Variants in MARCHF10 observed in about 807,000 individuals in gnomAD.
The protein encoded by MARCHF10 is probable E3 ubiquitin-protein ligase MARCHF10.
Under a neutral mutation model 76.2 loss-of-function variants are expected in MARCHF10, and 64 were observed. That is an observed-to-expected ratio of 0.84 (90% CI 0.69 to 1.03). MARCHF10 has a LOEUF of 1.03. Ranked by LOEUF, MARCHF10 falls within the 50% of genes least tolerant of loss-of-function variation. The pLI is 0.00. For missense variants in MARCHF10, 875 were observed against 958.0 expected (o/e 0.91, Z 1.14); for synonymous variants, 340 against 357.5 (o/e 0.95, Z 0.55).
Position 62,722,637 on chromosome 17 carries a change from G to A in MARCHF10, c.2105-40C>T, listed in dbSNP as rs755844196. 5 of 1,534,516 alleles carry A rather than the reference G, an allele frequency of 3.3e-6. No individual in the cohort carries two copies. The East Asian group carries it at 1.1e-4, about 35-fold the overall frequency. ...AGAATTATATGTACATATAACCATG[G>A]GTCTGTTTGTGTTAGCACTTTGGAC... On this transcript the variant is annotated intron_variant, in intron 7 of 10. Transcript: ENST00000311269.
intron 4 of MARCHF10, among the ~76,000 whole-genome samples, chr17:62,753,281 A>G (rs773286001): frequency 2.0e-5 from 3 of 151,766 alleles, no homozygotes; most frequent in Admixed American, 6.6e-5. Flanking sequence ...TAATTTTTGT[A>G]TTTTTAGTAG....
intron 2 of MARCHF10, among the ~76,000 whole-genome samples, chr17:62,800,690 C>T (rs991296166): frequency 1.1e-4 from 16 of 152,302 alleles, no homozygotes; most frequent in African/African-American, 3.4e-4. Flanking sequence ...AGGCTGAGGA[C>T]GTGCCTTCCT....
At chr17:62,724,100 G>C (rs2090631816) in intron 7 of MARCHF10, among the ~76,000 whole-genome samples, 1 of 152,128 alleles carries the variant, frequency 6.6e-6, no homozygotes, top group Non-Finnish European at 1.5e-5. Context: ...ATCTGGCTGT[G>C]GGGGGATATG....
At chr17:62,804,400 T>C (rs1275840088) in intron 1 of MARCHF10, among the ~76,000 whole-genome samples, 1 of 151,874 alleles carries the variant, frequency 6.6e-6, no homozygotes, top group East Asian at 1.9e-4. Flanking sequence ...CAAAACCTCG[T>C]GAAGAACACG....
intron 10 of MARCHF10, among the ~76,000 whole-genome samples, chr17:62,701,973 G>A (rs1440281847): frequency 6.6e-6 from 1 of 152,160 alleles, no homozygotes; most frequent in Non-Finnish European, 1.5e-5. Flanking sequence ...AGCCACACCA[G>A]CTTCCCCCAA....
At chr17:62,800,070 C>T (rs555214750) in intron 2 of MARCHF10, among the ~76,000 whole-genome samples, 47 of 152,304 alleles carry the variant, frequency 3.1e-4, no homozygotes, top group African/African-American at 1.1e-3. Context: ...ACTGAAACTA[C>T]CTTACACATT....
intron 4 of MARCHF10, among the ~76,000 whole-genome samples, chr17:62,745,570 C>G (rs1322010083): frequency 6.6e-6 from 1 of 152,164 alleles, no homozygotes; most frequent in Non-Finnish European, 1.5e-5. Context: ...TTTATATCCT[C>G]AGGTTTATTA....
At chr17:62,710,250 A>AT (rs2089843130) in intron 9 of MARCHF10, among the ~76,000 whole-genome samples, 1 of 152,240 alleles carries the variant, frequency 6.6e-6, no homozygotes, top group African/African-American at 2.4e-5. Context: ...TAAAAAGTTC[A>AT]TTAAAAAGAT....
intron 7 of MARCHF10, among the ~76,000 whole-genome samples, chr17:62,723,480 A>C (rs1447850216): frequency 6.6e-6 from 1 of 151,750 alleles, no homozygotes; most frequent in African/African-American, 2.4e-5. Flanking sequence ...GGGGATATAA[A>C]GAAACAGTAA....
intron 6 of MARCHF10, chr17:62,735,652 G>T (rs1331914784): frequency 1.0e-5 from 4 of 386,004 alleles, no homozygotes; most frequent in African/African-American, 8.6e-5. Context: ...GAAGCAGTCA[G>T]AGATCCTTAT....
chr17:62,775,479 C>T (rs1020292367), intron 3 of MARCHF10, among the ~76,000 whole-genome samples: 2 of 148,160 alleles, frequency 1.3e-5, no homozygotes, highest in African/African-American at 5.3e-5. Flanking sequence ...TTGTATAATG[C>T]CTTAGTTTAC....
chr17:62,784,698 G>A (rs183214370), intron 3 of MARCHF10, among the ~76,000 whole-genome samples: 3 of 152,216 alleles, frequency 2.0e-5, no homozygotes, highest in East Asian at 3.9e-4. Context: ...AAATCAATGT[G>A]CAAAAATCAC....
At chr17:62,724,334 G>A (rs2090648146) in intron 7 of MARCHF10, among the ~76,000 whole-genome samples, 1 of 152,014 alleles carries the variant, frequency 6.6e-6, no homozygotes, top group Admixed American at 6.6e-5. Flanking sequence ...AGAAGGTGCC[G>A]CACACCCAGT....
At chr17:62,764,586 G>A (rs756189490) in intron 3 of MARCHF10, among the ~76,000 whole-genome samples, 1 of 145,584 alleles carries the variant, frequency 6.9e-6, no homozygotes, top group Non-Finnish European at 1.5e-5. Flanking sequence ...TGGGAAGGTC[G>A]ATCAAGGGAC....
At chr17:62,792,814 C>T in intron 2 of MARCHF10, among the ~76,000 whole-genome samples, 2 of 131,190 alleles carry the variant, frequency 1.5e-5, no homozygotes, top group Admixed American at 7.2e-5. Context: ...TCCATCACCA[C>T]CACCACCACC....
intron 1 of MARCHF10, chr17:62,804,996 C>T (rs572252773): frequency 1.3e-5 from 2 of 152,266 alleles, no homozygotes; most frequent in African/African-American, 4.8e-5. Context: ...CTCATGGTGA[C>T]CCAGCGTCTG....
At chr17:62,759,331 T>C (rs990355900) in intron 4 of MARCHF10, among the ~76,000 whole-genome samples, 2 of 152,186 alleles carry the variant, frequency 1.3e-5, no homozygotes, top group African/African-American at 4.8e-5. Context: ...TGGAGAAAGT[T>C]ACATTGCACG....
chr17:62,796,164 C>T (rs902157919), intron 2 of MARCHF10, among the ~76,000 whole-genome samples: 1 of 152,022 alleles, frequency 6.6e-6, no homozygotes, highest in Non-Finnish European at 1.5e-5. Context: ...CCACCACACC[C>T]GTCTAGTTTT....
chr17:62,708,327 G>A (rs561842786), intron 9 of MARCHF10, among the ~76,000 whole-genome samples: 3 of 151,254 alleles, frequency 2.0e-5, no homozygotes, highest in Non-Finnish European at 4.4e-5. Context: ...CTCACTGCAA[G>A]CTCTGCCTCC....
Sources: gnomAD v4.1 joint callset for allele counts (sites outside exome capture counted in the v4.1 genomes callset) on GRCh38, gnomAD v4.1.1 for gene constraint, MANE v1.5 for transcripts, NCBI Gene and HGNC (gene_info 2026-07-23, HGNC 2026-07-21) for gene names.